Variants in GPN1 observed in about 807,000 individuals in gnomAD.
The protein encoded by GPN1 is ATP(GTP)-binding protein.
Under a neutral mutation model 55.9 loss-of-function variants are expected in GPN1, and 44 were observed. The observed-to-expected ratio is 0.79, with a 90% CI of 0.62 to 1.01. The LOEUF is 1.01. GPN1 is among the 50% of genes least tolerant of loss of function. The pLI is 0.00. For synonymous variants in GPN1, 179 were observed against 162.5 expected (o/e 1.10, Z -0.77); for missense variants, 466 against 462.8 (o/e 1.01, Z -0.06).
At chr2:27,649,979 G>A (rs1490494006) in intron 13 of GPN1, 136 bp from the exon 14 acceptor site, 2 of 581,552 alleles carry the variant, frequency 3.4e-6, no homozygotes, top group Non-Finnish European at 6.3e-6. Context: ...GCTTCTAGGA[G>A]ACATTTCCTT....
At chr2:27,635,021 T>C in intron 6 of GPN1, 97 bp downstream of exon 6, 1 of 961,022 alleles carries the variant, frequency 1.0e-6, no homozygotes, top group East Asian at 2.4e-5. Flanking sequence ...GGGAGGAAGT[T>C]GTAGAAGCTC....
chr2:27,649,420 G>A (rs908008193), intron 13 of GPN1, among the ~76,000 whole-genome samples: 1 of 151,216 alleles, frequency 6.6e-6, no homozygotes, highest in Non-Finnish European at 1.5e-5. Flanking sequence ...CACTTTTTGA[G>A]TATATAGTTT....
chr2:27,639,885 T>G (rs1286455935), intron 9 of GPN1, among the ~76,000 whole-genome samples, 158 bp from the exon 10 acceptor site: 3 of 152,202 alleles, frequency 2.0e-5, no homozygotes, highest in Non-Finnish European at 4.4e-5. Flanking sequence ...TTTGACTGGG[T>G]GTGCTGTTTT....
At chr2:27,645,856 A>G (rs761675638) in intron 12 of GPN1, among the ~76,000 whole-genome samples, 1 of 148,718 alleles carries the variant, frequency 6.7e-6, no homozygotes, top group Non-Finnish European at 1.5e-5. Context: ...CAGCCTCCCA[A>G]GTAGCTGGAA....
Position 27,638,962 on chromosome 2 carries a change from G to A in GPN1, c.648G>A (p.Glu216=), listed in dbSNP as rs767285025. The A allele has an allele frequency of 6.2e-7, 1 of 1,613,386 alleles. No individual in the cohort carries two copies. Among genetic ancestry groups the A allele is most frequent in the South Asian group, 1.1e-5 (1 of 91,060 alleles). The change falls in exon 9 of 14, where the codon GAG becomes GAA. Residue 216 remains glutamate, a synonymous_variant. Coordinates refer to ENST00000610189, the MANE Select transcript of GPN1 (RefSeq NM_007266.4). ...CTTTCCAAGATGCCTTGAATCAAGA[G>A]ACTACATACGTCAGTAACCTGACTC... ...FEAFQDALNQ[E]TTYVSNLTRS...
intron 5 of GPN1, among the ~76,000 whole-genome samples, chr2:27,634,105 A>G (rs1475585765): frequency 6.6e-6 from 1 of 152,206 alleles, no homozygotes; most frequent in African/African-American, 2.4e-5. Context: ...TAGTGGATAT[A>G]GAGTGGTATC....
chr2:27,634,795 C>A, intron 5 of GPN1, 51 bp from the exon 6 acceptor site: 1 of 1,010,754 alleles, frequency 9.9e-7, no homozygotes, highest in Non-Finnish European at 1.6e-6. Context: ...ATGGAATATC[C>A]TTCAGCATAA....
upstream of GPN1, chr2:27,628,431 A>G (rs1180705055): frequency 6.4e-7 from 1 of 1,551,600 alleles, no homozygotes; most frequent in Admixed American, 2.0e-5. Context: ...GGTCACGGCA[A>G]CTGTGTAGTT....
At chr2:27,631,587 T>G in intron 3 of GPN1, 2 of 560,008 alleles carry the variant, frequency 3.6e-6, no homozygotes, top group Non-Finnish European at 6.4e-6. Flanking sequence ...CTGATGCACC[T>G]GTATTACATT....
Position 27,635,001 on chromosome 2 carries a change from G to C in GPN1, c.429+77G>C, listed in dbSNP as rs571413552. On this transcript the variant is annotated intron_variant, in intron 6 of 13. Transcript: ENST00000610189. ...TGAGCATTTATTTTTAATTGCCTTGGACTTTATATGGGAGGAAGTTGTAGA... is the reference window on the plus strand; with the variant it reads ...TGAGCATTTATTTTTAATTGCCTTGCACTTTATATGGGAGGAAGTTGTAGA... The C allele has an allele frequency of 7.6e-5, 76 of 1,002,292 alleles. No homozygotes were observed. In the African/African-American group the frequency reaches 1.2e-3, roughly 15 times the overall value. The allele number at this position is 1,002,292 out of a possible 1,614,324, so 62.1% of individuals were successfully genotyped here. A position where few individuals can be genotyped will look rare whatever the true frequency, so the allele number is the denominator to read the frequency against.
At chr2:27,644,731 T>TG (rs1558491816) in intron 12 of GPN1, among the ~76,000 whole-genome samples, 4 of 148,366 alleles carry the variant, frequency 2.7e-5, no homozygotes, top group Non-Finnish European at 3.0e-5. Flanking sequence ...GTGTTTTTTT[T>TG]TTTTTTTTTT....
chr2:27,629,747 A>G, intron 1 of GPN1, 112 bp from the exon 2 acceptor site: 2 of 686,646 alleles, frequency 2.9e-6, no homozygotes, highest in Non-Finnish European at 5.3e-6. Context: ...TGGATATTTC[A>G]GGTAGAAGAA....
At chr2:27,649,070 C>G (rs1379609593) in intron 13 of GPN1, among the ~76,000 whole-genome samples, 1 of 151,544 alleles carries the variant, frequency 6.6e-6, no homozygotes, top group African/African-American at 2.4e-5. Context: ...ATGGTGAAAC[C>G]CCATCTCTAC....
Position 27,649,902 on chromosome 2 carries a change from G to A in GPN1, c.1040-213G>A, listed in dbSNP as rs114346643. ...TACCTACAAGTGGGACCTTATTTTAGCTACTATGAGGGAGGTATTCTTTCT... is the reference window on the plus strand; with the variant it reads ...TACCTACAAGTGGGACCTTATTTTAACTACTATGAGGGAGGTATTCTTTCT... On this transcript the variant is annotated intron_variant, in intron 13 of 13. Transcript: ENST00000610189. Among the ~76,000 whole-genome samples, 652 of 152,260 alleles carry A rather than the reference G, an allele frequency of 4.3e-3. 7 individuals carry two copies. The South Asian group carries it at 0.043, about 10-fold the overall frequency.
chr2:27,628,389 C>T (rs1266130310), upstream of GPN1: 9 of 1,550,542 alleles, frequency 5.8e-6, no homozygotes, highest in African/African-American at 9.6e-5. Context: ...CCAGTACCTA[C>T]TTGCACCTGG....
intron 13 of GPN1, among the ~76,000 whole-genome samples, chr2:27,649,358 A>T (rs114505823): frequency 0.024 from 3,661 of 152,162 alleles, 151 homozygotes; most frequent in African/African-American, 0.084. Context: ...TTACATGTAA[A>T]TTGCCTTATT....
intron 9 of GPN1, 143 bp from the exon 10 acceptor site, chr2:27,639,899 CT>C: frequency 1.5e-6 from 1 of 681,326 alleles, no homozygotes; most frequent in South Asian, 1.9e-5. Flanking sequence ...CTGTTTTGTT[CT>C]TTTTTAGCCT....
At chr2:27,629,257 T>C (rs2148059850) in intron 1 of GPN1, 88 bp downstream of exon 1, 34 of 1,200,012 alleles carry the variant, frequency 2.8e-5, no homozygotes, top group South Asian at 6.4e-5. Context: ...GGGAAGAGGA[T>C]TTGGAGGGTA....
intron 5 of GPN1, among the ~76,000 whole-genome samples, chr2:27,634,047 A>T (rs1572953326): frequency 6.6e-6 from 1 of 152,154 alleles, no homozygotes; most frequent in East Asian, 1.9e-4. Flanking sequence ...GTTCCTCCAT[A>T]ACCTTGCCAA....
Sources: allele counts gnomAD v4.1 joint callset (sites outside exome capture counted in the v4.1 genomes callset), GRCh38; gene constraint gnomAD v4.1.1; transcripts MANE v1.5; gene names NCBI Gene and HGNC (gene_info 2026-07-23, HGNC 2026-07-21).